Variants in CELF2 observed in about 807,000 individuals in gnomAD.
CELF2 encodes CUGBP Elav-like family member 2.
Under a neutral mutation model 62.6 loss-of-function variants are expected in CELF2, and 8 were observed. That is an observed-to-expected ratio of 0.13 (90% confidence interval 0.07 to 0.23). The LOEUF (loss-of-function observed/expected upper bound fraction) is 0.23, where lower values mean the gene tolerates loss of function less well. Ranked by LOEUF, CELF2 falls within the 10% of genes least tolerant of loss-of-function variation. The probability of loss-of-function intolerance (pLI) is 1.00; values close to 1 mark genes in which losing one functional copy is unlikely to be tolerated. For synonymous variants in CELF2, 258 were observed against 250.0 expected (o/e 1.03, Z -0.30); for missense variants, 333 against 671.0 (o/e 0.50, Z 5.56).
Position 11,260,790 on chromosome 10 carries a change from CT to C in CELF2, c.538+2924del, listed in dbSNP as rs1288046197. On this transcript the variant is annotated intron_variant, in intron 5 of 12. Transcript: ENST00000633077. This position sits in a 1 kb window ranked among gnomAD's most constrained non-coding sequence, Gnocchi z 4.2. ...TGAGAACTGAAGACAGACAGTGGTA[CT>C]TTTTTCAATTCGCAGGACCCAGGGA... Among the ~76,000 whole-genome samples, 1 of 152,132 alleles carries C rather than the reference CT, an allele frequency of 6.6e-6. No homozygotes were observed. The highest frequency in any genetic ancestry group is 2.4e-5 in the African/African-American group (1 of 41,422).
chr10:10,850,250 C>A (rs2059301991), intron 1 of CELF2, among the ~76,000 whole-genome samples: 1 of 152,188 alleles, frequency 6.6e-6, no homozygotes, highest in Admixed American at 6.5e-5. Context: ...GACAGCAACA[C>A]TCTGAAATTA....
At chr10:11,027,384 G>A (rs569612758) in intron 1 of CELF2, among the ~76,000 whole-genome samples, 6 of 152,198 alleles carry the variant, frequency 3.9e-5, no homozygotes, top group African/African-American at 7.2e-5. Context: ...TACCTAGAGC[G>A]CTTGGGAATG....
At chr10:10,709,875 A>T in the CELF2 span, among the ~76,000 whole-genome samples, 1 of 152,204 alleles carries the variant, frequency 6.6e-6, no homozygotes. Flanking sequence ...TTGGTATGTG[A>T]ATACGTGGTA....
intron 3 of CELF2, among the ~76,000 whole-genome samples, chr10:11,229,947 G>A (rs777854259): frequency 1.3e-5 from 2 of 152,156 alleles, no homozygotes; most frequent in Non-Finnish European, 2.9e-5. Context: ...TAGAACTTCT[G>A]TTAAGAGAAT....
chr10:11,262,548 A>C (rs368449847), intron 5 of CELF2, among the ~76,000 whole-genome samples: 2 of 152,130 alleles, frequency 1.3e-5, no homozygotes, highest in African/African-American at 4.8e-5. Flanking sequence ...TATCTCAGTG[A>C]TGAGATTTTG....
At chr10:11,005,185 T>C (rs2054970921), upstream of CELF2, 1 of 1,437,108 alleles carries the variant, frequency 7.0e-7, no homozygotes. The surrounding 1 kb of genome is among the most constrained non-coding windows in gnomAD (Gnocchi z 4.3). Flanking sequence ...ACTTAGTGAA[T>C]CTGCAGGAGC....
chr10:11,077,402 A>T (rs1415621984), intron 1 of CELF2, among the ~76,000 whole-genome samples: 1 of 152,230 alleles, frequency 6.6e-6, no homozygotes, highest in Non-Finnish European at 1.5e-5. Flanking sequence ...GTCAGTTCTG[A>T]TGAGTCCAGT....
intron 1 of CELF2, among the ~76,000 whole-genome samples, chr10:11,142,943 C>A (rs1183453438): frequency 6.6e-6 from 1 of 150,572 alleles, no homozygotes; most frequent in African/African-American, 2.5e-5. Context: ...CCTCGTGATT[C>A]TTCTGTCCTC....
intron 1 of CELF2, among the ~76,000 whole-genome samples, chr10:11,090,951 T>A (rs1250583591): frequency 6.6e-6 from 1 of 152,256 alleles, no homozygotes; most frequent in East Asian, 1.9e-4. Context: ...TACAGACTTA[T>A]TCTTCCGTTT....
chr10:11,190,453 A>G (rs1334433820), intron 2 of CELF2, among the ~76,000 whole-genome samples: 1 of 152,118 alleles, frequency 6.6e-6, no homozygotes, highest in Non-Finnish European at 1.5e-5. Context: ...TGCAAACAAG[A>G]ACTGCCCTTT....
At chr10:10,589,837 G>C in the CELF2 span, among the ~76,000 whole-genome samples, 2 of 152,206 alleles carry the variant, frequency 1.3e-5, no homozygotes, top group Non-Finnish European at 2.9e-5. Flanking sequence ...TGACTCTGAG[G>C]TTTATAATCT....
the CELF2 span, among the ~76,000 whole-genome samples, chr10:10,673,949 T>G: frequency 5.3e-5 from 8 of 152,202 alleles, no homozygotes; most frequent in Admixed American, 4.6e-4. Context: ...CAGAATATTG[T>G]CTGTCTTTGT....
At chr10:10,508,034 G>T in the CELF2 span, among the ~76,000 whole-genome samples, 3 of 152,124 alleles carry the variant, frequency 2.0e-5, no homozygotes, top group African/African-American at 7.2e-5. Flanking sequence ...TAAGGTACCA[G>T]AGGAAAGAGC....
chr10:11,230,563 G>T (rs1168325058), intron 3 of CELF2, among the ~76,000 whole-genome samples: 1 of 152,222 alleles, frequency 6.6e-6, no homozygotes, highest in Non-Finnish European at 1.5e-5. Flanking sequence ...CATTCTGAAG[G>T]TGGGGTGGAG....
rs544799461 is a variant in CELF2 at position 11,075,902 on chromosome 10, C to G, written c.74+57739C>G. On this transcript the variant is annotated intron_variant, in intron 1 of 12. Transcript: ENST00000633077. This position sits in a 1 kb window ranked among gnomAD's most constrained non-coding sequence, Gnocchi z 5.4. Reference sequence around the variant, plus strand: ...TTTAATAAACTGCCAACATCAGTATCTCAGAATGAGTGAAACAAAAAGCTT... The same window carrying G: ...TTTAATAAACTGCCAACATCAGTATGTCAGAATGAGTGAAACAAAAAGCTT... Among the ~76,000 whole-genome samples, 1 of 152,092 alleles carries G rather than the reference C, an allele frequency of 6.6e-6. No homozygotes were observed. Among genetic ancestry groups the G allele is most frequent in the Non-Finnish European group, 1.5e-5 (1 of 68,010 alleles).
At chr10:10,640,984 T>C in the CELF2 span, among the ~76,000 whole-genome samples, 30 of 152,220 alleles carry the variant, frequency 2.0e-4, no homozygotes, top group East Asian at 5.6e-3. Flanking sequence ...GTCAATGACA[T>C]GAGTATGATA....
intron 10 of CELF2, chr10:11,317,081 T>A (rs1325058760): frequency 1.3e-5 from 2 of 152,152 alleles, no homozygotes; most frequent in African/African-American, 4.8e-5. Context: ...TGTGTTTCAG[T>A]GTATGTCAAG....
the CELF2 span, among the ~76,000 whole-genome samples, chr10:10,603,745 G>C: frequency 6.6e-6 from 1 of 151,806 alleles, no homozygotes; most frequent in Non-Finnish European, 1.5e-5. Context: ...TCTCTAAACA[G>C]AGACAGAGCA....
chr10:11,291,951 T>C (rs771648870), intron 9 of CELF2, among the ~76,000 whole-genome samples: 2 of 152,228 alleles, frequency 1.3e-5, no homozygotes, highest in Non-Finnish European at 2.9e-5. Context: ...TACCATGTTA[T>C]TCCACTGAAC....
Sources: gnomAD v4.1 joint callset for allele counts (sites outside exome capture counted in the v4.1 genomes callset) on GRCh38, gnomAD v4.1.1 for gene constraint, Gnocchi (gnomAD v3.1) non-coding constraint, MANE v1.5 for transcripts, NCBI Gene and HGNC (gene_info 2026-07-23, HGNC 2026-07-21) for gene names.